Variants in RASSF5 observed in about 807,000 individuals in gnomAD.
RASSF5 encodes Ras association domain family member 5.
In RASSF5, 25 loss-of-function variants were observed where a neutral mutation model predicts 40.5. The ratio of observed to expected loss-of-function variants is 0.62; its 90% confidence interval spans 0.45 to 0.86. The LOEUF (loss-of-function observed/expected upper bound fraction) is 0.86. Among genes scored for constraint, RASSF5 ranks in the 40% least tolerant of loss-of-function variants. RASSF5 has a pLI of 0.00. For missense variants in RASSF5, 521 were observed against 572.8 expected, an observed-to-expected ratio of 0.91 and a Z score of 0.92; for synonymous variants, 246 against 252.4, an observed-to-expected ratio of 0.97 and a Z score of 0.24.
chr1:206,571,208 C>A (rs1258265192), intron 2 of RASSF5: 9 of 151,514 alleles, frequency 5.9e-5, no homozygotes, highest in Non-Finnish European at 1.5e-5. Flanking sequence ...AGCATTTTTT[C>A]ATGTGTTTGT....
At chr1:206,583,505 A>AGACCCCG in intron 3 of RASSF5, 126 bp downstream of exon 3, 1 of 694,216 alleles carries the variant, frequency 1.4e-6, no homozygotes, top group Non-Finnish European at 2.6e-6. Context: ...TCCGGCCTCC[A>AGACCCCG]GAGGCCTCCG....
rs114710693 is a variant in RASSF5, at chr1:206,535,154, G to A, written c.458-3018G>A. The stretch of plus-strand genomic sequence containing the variant: ...GGAGGTGGAGTTTGCAGAGAGCCAC[G>A]ATAGTGCCACTGCACTGCAGCCTGG... On this transcript the variant is annotated intron_variant, in intron 1 of 5. Transcript: ENST00000579436. The surrounding 1 kb of genome is among the most constrained non-coding windows in gnomAD (Gnocchi z 5.0). Among the ~76,000 whole-genome samples, 1,434 of 152,298 alleles carry A rather than the reference G, an allele frequency of 9.4e-3. 15 individuals carry two copies. The highest frequency in any genetic ancestry group is 0.041 in the South Asian group (200 of 4,830).
At chr1:206,546,301 G>C (rs1553400192) in intron 2 of RASSF5, among the ~76,000 whole-genome samples, 1 of 151,200 alleles carries the variant, frequency 6.6e-6, no homozygotes, top group Non-Finnish European at 1.5e-5. Context: ...TAGAGACCGG[G>C]TTTCGCCATG....
intron 2 of RASSF5, among the ~76,000 whole-genome samples, chr1:206,554,648 C>G (rs1231767507): frequency 7.2e-5 from 11 of 152,144 alleles, no homozygotes; most frequent in African/African-American, 2.4e-4. Context: ...CTTCCATGCC[C>G]CCTCCCTCTT....
At chr1:206,557,040 G>A in intron 2 of RASSF5, 3 of 582,948 alleles carry the variant, frequency 5.1e-6, no homozygotes, top group Non-Finnish European at 6.5e-6. Context: ...TCCCTTATAT[G>A]ACCTGCAGTT....
At chr1:206,549,609 G>GC (rs1438641453) in intron 2 of RASSF5, among the ~76,000 whole-genome samples, 1 of 152,170 alleles carries the variant, frequency 6.6e-6, no homozygotes, top group Non-Finnish European at 1.5e-5. Context: ...ACTGCACCCA[G>GC]CCCTGTGGAA....
intron 2 of RASSF5, among the ~76,000 whole-genome samples, chr1:206,563,176 G>A (rs1043094661): frequency 1.3e-5 from 2 of 152,174 alleles, no homozygotes; most frequent in African/African-American, 2.4e-5. Context: ...GCCATTGGCT[G>A]GAACTCAGTC....
chr1:206,549,972 TTC>T (rs781885636), intron 2 of RASSF5, among the ~76,000 whole-genome samples: 2 of 152,088 alleles, frequency 1.3e-5, no homozygotes, highest in Admixed American at 6.5e-5. Context: ...CTTTCTGCAG[TTC>T]TCTCTCTCTG....
In RASSF5 at chr1:206,557,585, C is replaced by T. The variant is rs147521013; in HGVS notation, c.579+19292C>T. ...GAACTCCGGGGTAGATGACCGTGGA[C>T]AGCAGCATGAGCAGTGGGTACTGCA... On this transcript the variant is annotated intron_variant, in intron 2 of 5. Transcript: ENST00000579436. 3 of 1,614,196 alleles carry T rather than the reference C, an allele frequency of 1.9e-6. No homozygotes were observed. The African/African-American group carries it at 4.0e-5, about 21-fold the overall frequency.
At chr1:206,526,993 A>AT (rs1190733990) in intron 1 of RASSF5, among the ~76,000 whole-genome samples, 3 of 152,134 alleles carry the variant, frequency 2.0e-5, no homozygotes, top group African/African-American at 7.2e-5. Context: ...TACCACCGCC[A>AT]TTTGCAGTTG....
In RASSF5 at chr1:206,529,922, A is replaced by G. The variant is rs1203643574; in HGVS notation, c.458-8250A>G. ...ACAGTGAGACCCTGCCTCAAAAAAA[A>G]TAAATACAATAAAATAAAAATTAAA... On this transcript the variant is annotated intron_variant, in intron 1 of 5. Transcript: ENST00000579436. Among the ~76,000 whole-genome samples the G allele has an allele frequency of 2.0e-5, 3 of 152,144 alleles. No homozygotes were observed. The East Asian group carries it at 5.8e-4, about 29-fold the overall frequency.
intron 1 of RASSF5, among the ~76,000 whole-genome samples, chr1:206,523,606 TTA>T (rs1205770851): frequency 5.9e-4 from 54 of 91,424 alleles, no homozygotes; most frequent in African/African-American, 2.5e-3. Context: ...CATATATATT[TTA>T]TATATATATA....
chr1:206,536,734 C>G (rs1463313029), intron 1 of RASSF5, among the ~76,000 whole-genome samples: 1 of 152,146 alleles, frequency 6.6e-6, no homozygotes. Flanking sequence ...AAAGTGGCCC[C>G]CTAATCCCCA....
At chr1:206,516,359 T>C (rs1387296488) in intron 1 of RASSF5, among the ~76,000 whole-genome samples, 2 of 152,214 alleles carry the variant, frequency 1.3e-5, no homozygotes, top group Non-Finnish European at 2.9e-5. Context: ...TGGCTTAACC[T>C]GTCAAAGAAC....
chr1:206,528,698 C>T (rs1667159393), intron 1 of RASSF5, among the ~76,000 whole-genome samples: 1 of 151,944 alleles, frequency 6.6e-6, no homozygotes, highest in African/African-American at 2.4e-5. Flanking sequence ...ATTTCCTGCT[C>T]AATTTTACTG....
At chr1:206,576,236 G>C (rs1485779196) in intron 2 of RASSF5, among the ~76,000 whole-genome samples, 18 of 152,222 alleles carry the variant, frequency 1.2e-4, no homozygotes, top group Admixed American at 1.2e-3. Context: ...TTGCAGTATG[G>C]ATTTAACATT....
Position 206,579,822 on chromosome 1 carries a change from G to A in RASSF5, c.580-3447G>A, listed in dbSNP as rs989643022. On this transcript the variant is annotated intron_variant, in intron 2 of 5. Coordinates refer to ENST00000579436, the MANE Select transcript of RASSF5 (RefSeq NM_182663.4). This position sits in a 1 kb window ranked among gnomAD's most constrained non-coding sequence, Gnocchi z 4.2. ...CTGGATTATACGCCATCTCTTGGGTGGAAAAAGGATCCGTGAGCCCTCGTG... is the reference window on the plus strand; with the variant it reads ...CTGGATTATACGCCATCTCTTGGGTAGAAAAAGGATCCGTGAGCCCTCGTG... Among the ~76,000 whole-genome samples the A allele has an allele frequency of 1.3e-5, 2 of 152,184 alleles. No homozygotes were observed. Among genetic ancestry groups the A allele is most frequent in the African/African-American group, 4.8e-5 (2 of 41,430 alleles).
At chr1:206,569,248 A>C (rs1668372761) in intron 2 of RASSF5, among the ~76,000 whole-genome samples, 1 of 152,230 alleles carries the variant, frequency 6.6e-6, no homozygotes, top group African/African-American at 2.4e-5. Context: ...GCCCATACAC[A>C]TCCTAAGGTT....
intron 1 of RASSF5, among the ~76,000 whole-genome samples, chr1:206,533,753 T>TCAAAAAAAAAAAAAAAAAAAAA (rs1553398255): frequency 6.6e-6 from 1 of 151,882 alleles, no homozygotes; most frequent in African/African-American, 2.4e-5. Context: ...AGACCCTGTC[T>TCAAAAAAAAAAAAAAAAAAAAA]TAAAAAAAGA....
Sources: allele counts gnomAD v4.1 joint callset (sites outside exome capture counted in the v4.1 genomes callset), GRCh38; gene constraint gnomAD v4.1.1; non-coding constraint Gnocchi (gnomAD v3.1); transcripts MANE v1.5; gene names NCBI Gene and HGNC (gene_info 2026-07-23, HGNC 2026-07-21).